The following FRYL variants were observed in gnomAD, a reference collection of about 807,000 sequenced individuals.
The protein encoded by FRYL is protein furry homolog-like.
Under a neutral mutation model 351.2 loss-of-function variants are expected in FRYL, and 150 were observed. The observed-to-expected ratio is 0.43, with a 90% CI of 0.37 to 0.49. FRYL has a LOEUF of 0.49. Among genes scored for constraint, FRYL ranks in the 20% least tolerant of loss-of-function variants. The probability of loss-of-function intolerance (pLI) is 0.00; values close to 1 mark genes in which losing one functional copy is unlikely to be tolerated. For missense variants in FRYL, 3,036 were observed against 3,619.3 expected (o/e 0.84, Z 4.13); for synonymous variants, 1,153 against 1,257.1 (o/e 0.92, Z 1.75).
At chr4:48,740,850 T>C (rs1274526598) in intron 1 of FRYL, among the ~76,000 whole-genome samples, 2 of 152,120 alleles carry the variant, frequency 1.3e-5, no homozygotes, top group Non-Finnish European at 2.9e-5. Context: ...CTTGGTGGTT[T>C]TTTACAAAAC....
rs1256829084 is a variant in FRYL at position 48,586,779 on chromosome 4, A to G, written c.1641-51T>C. The G allele has an allele frequency of 2.4e-6, 3 of 1,227,290 alleles. No individual in the cohort carries two copies. The African/African-American group carries it at 4.7e-5, about 19-fold the overall frequency. 76.0% of individuals were successfully genotyped at this position (1,227,290 alleles called of 1,614,324 possible). On this transcript the variant is annotated intron_variant, in intron 18 of 63. Transcript: ENST00000358350. ...AGAAACATATTACATATGCTAGACA[A>G]TGAAATCAAACTTGGAAAAATAACT...
chr4:48,507,826 A>G (rs1400337959), intron 59 of FRYL, among the ~76,000 whole-genome samples: 2 of 152,194 alleles, frequency 1.3e-5, no homozygotes, highest in Non-Finnish European at 2.9e-5. Flanking sequence ...GCCTTAGAAC[A>G]CTTGCTGTTC....
chr4:48,523,729 C>G (rs1364815332), intron 53 of FRYL, among the ~76,000 whole-genome samples: 1 of 152,134 alleles, frequency 6.6e-6, no homozygotes, highest in Non-Finnish European at 1.5e-5. Context: ...CTATGATACA[C>G]TTTGGCAACA....
At chr4:48,506,615 A>AATATATATATAT (rs55736457) in intron 59 of FRYL, 4 of 71,750 alleles carry the variant, frequency 5.6e-5, no homozygotes, top group African/African-American at 9.2e-5. Context: ...CAATACAACT[A>AATATATATATAT]ATATATATAT....
intron 1 of FRYL, among the ~76,000 whole-genome samples, chr4:48,772,479 G>A (rs1288956120): frequency 1.3e-5 from 2 of 152,016 alleles, no homozygotes; most frequent in East Asian, 1.9e-4. Context: ...CACATTGAGA[G>A]GGATCAAGTT....
intron 16 of FRYL, among the ~76,000 whole-genome samples, chr4:48,592,025 C>T (rs866538185): frequency 1.4e-4 from 20 of 146,822 alleles, no homozygotes; most frequent in African/African-American, 4.2e-4. Flanking sequence ...GTGGGGTACA[C>T]GCATCCCAGT....
chr4:48,696,631 A>G (rs1237613524), intron 2 of FRYL, among the ~76,000 whole-genome samples: 5 of 152,132 alleles, frequency 3.3e-5, no homozygotes, highest in African/African-American at 1.2e-4. Flanking sequence ...CCATTATGGC[A>G]CACGTATACC....
chr4:48,689,592 C>T (rs1183617373), intron 2 of FRYL, among the ~76,000 whole-genome samples: 6 of 152,064 alleles, frequency 3.9e-5, no homozygotes, highest in South Asian at 2.1e-4. Context: ...ATCATACACT[C>T]GACAAATATT....
At chr4:48,596,592 G>C (rs776599) in intron 13 of FRYL, among the ~76,000 whole-genome samples, 144,184 of 152,208 alleles carry the variant, frequency 0.95, 68,405 homozygotes, top group South Asian at 0.98. Flanking sequence ...CTCTAAAATG[G>C]AGAACATATG....
chr4:48,646,808 T>C (rs1473166047), intron 3 of FRYL, among the ~76,000 whole-genome samples: 4 of 152,108 alleles, frequency 2.6e-5, no homozygotes, highest in Admixed American at 2.6e-4. Flanking sequence ...ACCAGCATTG[T>C]TGGAGGTCAT....
chr4:48,748,615 T>C (rs1449952394), intron 1 of FRYL, among the ~76,000 whole-genome samples: 1 of 152,144 alleles, frequency 6.6e-6, no homozygotes, highest in Non-Finnish European at 1.5e-5. Context: ...AGTAGATACT[T>C]ATCTTGTTTA....
intron 41 of FRYL, among the ~76,000 whole-genome samples, chr4:48,546,978 GA>G (rs60262230): frequency 0.96 from 144,840 of 151,242 alleles, 69,370 homozygotes; most frequent in South Asian, 0.98. Context: ...TGTATGATTA[GA>G]AAAAAAAAAG....
chr4:48,528,152 C>G (rs1726692982), intron 51 of FRYL, 23 bp downstream of exon 51: 1 of 1,602,866 alleles, frequency 6.2e-7, no homozygotes. Context: ...TATGAATGTT[C>G]CATTTTGATA....
Position 48,521,139 on chromosome 4 carries a change from C to A in FRYL, c.7598G>T (p.Gly2533Val), listed in dbSNP as rs778211246. 3.1e-6 allele frequency: 5 copies of A among 1,612,982 alleles called. No individual in the cohort carries two copies. The African/African-American group carries it at 5.3e-5, about 17-fold the overall frequency. Residue 2533 changes from glycine to valine, a missense_variant, in exon 55 of 64, where the codon GGC becomes GTC. This residue lies in a region of FRYL where 1,987 missense variants were observed against 2,311.7 expected (regional missense o/e 0.86). Coordinates refer to ENST00000358350, the MANE Select transcript of FRYL (RefSeq NM_015030.2). ...AAGCACTTCCTCTGTTGTGATGCTG[C>A]CAGTGGAATCTTCAGACTGGAGAAG... is the stretch of plus-strand genomic sequence containing the variant. ...DLLLQSEDST[G>V]SITTEEVLQI...
intron 1 of FRYL, among the ~76,000 whole-genome samples, chr4:48,775,338 A>AAT (rs1474294910): frequency 6.6e-6 from 1 of 152,252 alleles, no homozygotes; most frequent in Non-Finnish European, 1.5e-5. Context: ...AGAGGAGCTC[A>AAT]TAACTTGTGA....
At chr4:48,519,959 C>T (rs1724551620) in intron 55 of FRYL, among the ~76,000 whole-genome samples, 1 of 152,182 alleles carries the variant, frequency 6.6e-6, no homozygotes, top group Non-Finnish European at 1.5e-5. Context: ...TCTCGATCTC[C>T]TGACCTCATG....
chr4:48,577,894 A>G (rs1464930327), intron 23 of FRYL, among the ~76,000 whole-genome samples: 2 of 151,584 alleles, frequency 1.3e-5, no homozygotes, highest in Non-Finnish European at 1.5e-5. Flanking sequence ...AAAAACAAAA[A>G]ACAAAACACA....
intron 1 of FRYL, among the ~76,000 whole-genome samples, chr4:48,748,402 T>C (rs1236649637): frequency 6.6e-6 from 1 of 152,202 alleles, no homozygotes; most frequent in Non-Finnish European, 1.5e-5. Context: ...TAATTGTTTA[T>C]GGCAATATGA....
chr4:48,567,289 T>G lies in FRYL; in HGVS notation c.3128A>C (p.His1043Pro). The G allele has an allele frequency of 6.2e-7, 1 of 1,612,030 alleles. No individual in the cohort carries two copies. The highest frequency in any genetic ancestry group is 8.5e-7 in the Non-Finnish European group (1 of 1,179,400). The part of the protein sequence containing the change: ...DSDTLKDIRC[H>P]FSALVANIIQ... The stretch of plus-strand genomic sequence containing the variant: ...AATATTCGCCACTAAGGCACTAAAA[T>G]GGCATCGTATATCCTTCAGTGTGTC... The change falls in exon 28 of 64, where the codon CAT becomes CCT. Residue 1043 changes from histidine (H) to proline (P), a missense_variant. This residue lies in a region of FRYL where 492 missense variants were observed against 551.5 expected (regional missense o/e 0.89). Transcript: ENST00000358350. The surrounding 1 kb of genome is among the most constrained non-coding windows in gnomAD (Gnocchi z 4.2).
Sources: gnomAD v4.1 joint callset for allele counts (sites outside exome capture counted in the v4.1 genomes callset) on GRCh38, gnomAD v4.1.1 for gene constraint, gnomAD v4.1.1 regional missense constraint, Gnocchi (gnomAD v3.1) non-coding constraint, MANE v1.5 for transcripts, NCBI Gene and HGNC (gene_info 2026-07-23, HGNC 2026-07-21) for gene names.